PTPRD: variants seen among roughly 807,000 people sequenced by gnomAD.
The protein encoded by PTPRD is receptor-type tyrosine-protein phosphatase delta.
A neutral mutation model predicts 214.5 loss-of-function variants in PTPRD; 34 were observed. The ratio of observed to expected loss-of-function variants is 0.16; its 90% CI spans 0.12 to 0.21. The LOEUF (loss-of-function observed/expected upper bound fraction) is 0.21, where lower values mean the gene tolerates loss of function less well. PTPRD is among the 10% of genes least tolerant of loss of function. The pLI is 1.00. For missense variants in PTPRD, 2,545 were observed against 2,398.7 expected (o/e 1.06, Z -1.27); for synonymous variants, 1,128 against 845.7 (o/e 1.33, Z -5.79).
At chr9:8,395,415 C>A (rs1392523) in intron 36 of PTPRD, among the ~76,000 whole-genome samples, 1 of 151,726 alleles carries the variant, frequency 6.6e-6, no homozygotes, top group Non-Finnish European at 1.5e-5. Context: ...CATTTACAAG[C>A]AAATTGATTA....
intron 5 of PTPRD, among the ~76,000 whole-genome samples, chr9:9,919,484 G>C (rs140401223): frequency 5.3e-4 from 80 of 152,248 alleles, no homozygotes; most frequent in African/African-American, 1.7e-3. Context: ...TGGCTGTGGA[G>C]TCCTGCATGT....
intron 3 of PTPRD, among the ~76,000 whole-genome samples, chr9:10,084,435 G>A (rs74342717): frequency 0.021 from 3,197 of 151,784 alleles, 122 homozygotes; most frequent in African/African-American, 0.073. Context: ...AATGATAGAA[G>A]GGAAAAAATA....
chr9:8,437,283 T>G, intron 34 of PTPRD: 1 of 1,397,222 alleles, frequency 7.2e-7, no homozygotes, highest in Non-Finnish European at 9.6e-7. Context: ...ATAGAACAAA[T>G]TCTTCAAAAA....
At chr9:10,070,202 G>A (rs1473081307) in intron 3 of PTPRD, among the ~76,000 whole-genome samples, 1 of 152,010 alleles carries the variant, frequency 6.6e-6, no homozygotes, top group Non-Finnish European at 1.5e-5. Context: ...GCAATAAACT[G>A]TCTGTTTTGT....
chr9:10,320,038 T>C (rs1328186293), intron 3 of PTPRD, among the ~76,000 whole-genome samples: 1 of 152,084 alleles, frequency 6.6e-6, no homozygotes, highest in African/African-American at 2.4e-5. Context: ...TTTTAGTGGA[T>C]CAGTAAGTAG....
At chr9:9,141,951 T>G (rs1351260759) in intron 10 of PTPRD, among the ~76,000 whole-genome samples, 1 of 152,142 alleles carries the variant, frequency 6.6e-6, no homozygotes, top group Non-Finnish European at 1.5e-5. Context: ...CAGAGAGCAA[T>G]AATAATGCCT....
intron 9 of PTPRD, among the ~76,000 whole-genome samples, chr9:9,232,898 C>G (rs1255963801): frequency 6.6e-6 from 1 of 152,052 alleles, no homozygotes; most frequent in Non-Finnish European, 1.5e-5. Flanking sequence ...AACTAGAACC[C>G]CTTTTCCACA....
intron 5 of PTPRD, among the ~76,000 whole-genome samples, chr9:9,862,855 T>A (rs2063090086): frequency 6.6e-6 from 1 of 152,218 alleles, no homozygotes; most frequent in African/African-American, 2.4e-5. Context: ...TACATTCTAT[T>A]TCAGGTTTTC....
intron 12 of PTPRD, among the ~76,000 whole-genome samples, chr9:8,716,842 T>C (rs959887309): frequency 1.3e-5 from 2 of 152,018 alleles, no homozygotes; most frequent in African/African-American, 4.8e-5. Context: ...AGTATTGGAA[T>C]GTAGGGGGTT....
chr9:9,489,188 A>T (rs2095794981), intron 8 of PTPRD, among the ~76,000 whole-genome samples: 2 of 152,172 alleles, frequency 1.3e-5, no homozygotes, highest in African/African-American at 2.4e-5. Flanking sequence ...GCGCAGAAAA[A>T]ATCTGGAAAA....
intron 10 of PTPRD, among the ~76,000 whole-genome samples, chr9:9,140,671 C>G (rs755536389): frequency 4.6e-5 from 7 of 152,204 alleles, no homozygotes; most frequent in Non-Finnish European, 1.0e-4. Context: ...CTTCGCCTCC[C>G]GGGTTCACGC....
In PTPRD at chr9:10,074,358, A is replaced by T. The variant is rs186908256; in HGVS notation, c.-544-40568T>A. Among the ~76,000 whole-genome samples the T allele has an allele frequency of 7.6e-4, 116 of 152,254 alleles. 2 individuals carry two copies. In the South Asian group the frequency reaches 0.022, roughly 29 times the overall value. ...TGAGACCAAATCCAAAGCCACTGCC[A>T]TGTCTAGAAACACAGAAATAAAAGA... On this transcript the variant is annotated intron_variant, in intron 3 of 45. Transcript: ENST00000381196.
chr9:8,457,972 A>C (rs2096264913), intron 33 of PTPRD, among the ~76,000 whole-genome samples: 1 of 152,124 alleles, frequency 6.6e-6, no homozygotes, highest in African/African-American at 2.4e-5. Flanking sequence ...GCCTCATGAT[A>C]ATCAAGAAGG....
intron 2 of PTPRD, among the ~76,000 whole-genome samples, chr9:10,505,034 G>A (rs2045436745): frequency 6.6e-6 from 1 of 152,156 alleles, no homozygotes; most frequent in Non-Finnish European, 1.5e-5. Flanking sequence ...TGCAAGAGCT[G>A]TCATAGCCAG....
chr9:9,818,798 C>G (rs575402122), intron 5 of PTPRD, among the ~76,000 whole-genome samples: 1 of 151,376 alleles, frequency 6.6e-6, no homozygotes, highest in East Asian at 2.0e-4. Flanking sequence ...CGCCTGTAAT[C>G]CCAGCTACTC....
intron 36 of PTPRD, among the ~76,000 whole-genome samples, chr9:8,399,265 G>C (rs944654002): frequency 6.6e-6 from 1 of 152,086 alleles, no homozygotes; most frequent in African/African-American, 2.4e-5. Context: ...AACAACGAAA[G>C]ACTCTAAGTC....
intron 11 of PTPRD, among the ~76,000 whole-genome samples, chr9:8,737,259 T>C (rs1028308745): frequency 5.3e-5 from 8 of 152,166 alleles, no homozygotes; most frequent in African/African-American, 1.9e-4. Context: ...CTTAAATGGG[T>C]TGTGCCCAAA....
At chr9:9,543,330 C>T (rs2154275656) in intron 8 of PTPRD, among the ~76,000 whole-genome samples, 1 of 151,716 alleles carries the variant, frequency 6.6e-6, no homozygotes, top group South Asian at 2.1e-4. Context: ...GAAATTTGCA[C>T]AAGGCTACTT....
intron 3 of PTPRD, among the ~76,000 whole-genome samples, chr9:10,273,779 G>A (rs1340475463): frequency 6.6e-6 from 1 of 152,078 alleles, no homozygotes; most frequent in African/African-American, 2.4e-5. Flanking sequence ...GTAGACTATG[G>A]TTATCAGGTA....
Sources: allele counts gnomAD v4.1 joint callset (sites outside exome capture counted in the v4.1 genomes callset), GRCh38; gene constraint gnomAD v4.1.1; transcripts MANE v1.5; gene names NCBI Gene and HGNC (gene_info 2026-07-23, HGNC 2026-07-21).